MAGI3: variants seen among roughly 807,000 people sequenced by gnomAD.
MAGI3 encodes membrane-associated guanylate kinase, WW and PDZ domain-containing protein 3.
Under a neutral mutation model 121.8 loss-of-function variants are expected in MAGI3, and 43 were observed. The observed-to-expected ratio is 0.35, with a 90% CI of 0.28 to 0.46. The LOEUF is 0.46. MAGI3 is among the 20% of genes least tolerant of loss of function. The probability of loss-of-function intolerance (pLI) is 1.00; values close to 1 mark genes in which losing one functional copy is unlikely to be tolerated. For synonymous variants in MAGI3, 553 were observed against 639.3 expected (o/e 0.86, Z 2.04); for missense variants, 1,547 against 1,797.3 (o/e 0.86, Z 2.52).
At chr1:113,654,331 A>G (rs1398723430) in intron 15 of MAGI3, among the ~76,000 whole-genome samples, 4 of 152,238 alleles carry the variant, frequency 2.6e-5, no homozygotes, top group African/African-American at 9.6e-5. Flanking sequence ...GACTTTTAAG[A>G]AAATGGGGAC....
At chr1:113,487,380 T>C (rs557709826) in intron 1 of MAGI3, among the ~76,000 whole-genome samples, 1 of 152,326 alleles carries the variant, frequency 6.6e-6, no homozygotes, top group African/African-American at 2.4e-5. Context: ...TTTTCCTGTG[T>C]ATACAATAAT....
chr1:113,642,660 G>C (rs1367943091), intron 10 of MAGI3, 144 bp downstream of exon 10: 2 of 895,028 alleles, frequency 2.2e-6, no homozygotes, highest in Non-Finnish European at 3.3e-6. Flanking sequence ...CTGTCTGATT[G>C]TTTCCATAAG....
chr1:113,487,245 T>C (rs1049717867), intron 1 of MAGI3, among the ~76,000 whole-genome samples: 1 of 152,200 alleles, frequency 6.6e-6, no homozygotes, highest in South Asian at 2.1e-4. Flanking sequence ...TTGTAAGAAA[T>C]ATTTTAACAA....
intron 1 of MAGI3, among the ~76,000 whole-genome samples, chr1:113,485,556 G>A (rs1400160281): frequency 1.3e-5 from 2 of 152,014 alleles, no homozygotes; most frequent in African/African-American, 4.8e-5. Flanking sequence ...GTAGATTCTG[G>A]ATATTAGTCC....
chr1:113,416,402 TTAATTAA>T (rs1323290858), intron 1 of MAGI3, among the ~76,000 whole-genome samples: 1,933 of 86,768 alleles, frequency 0.022, 61 homozygotes, highest in East Asian at 0.2. Flanking sequence ...TAATTATTAA[TTAATTAA>T]TAATTAATAA....
chr1:113,439,436 T>TA (rs1159725049), intron 1 of MAGI3, among the ~76,000 whole-genome samples: 2 of 152,248 alleles, frequency 1.3e-5, no homozygotes, highest in East Asian at 3.8e-4. Flanking sequence ...CCCTTTCTTA[T>TA]CACCTGGCAA....
chr1:113,469,978 T>C (rs1172080738), intron 1 of MAGI3, among the ~76,000 whole-genome samples: 1 of 152,180 alleles, frequency 6.6e-6, no homozygotes, highest in African/African-American at 2.4e-5. Context: ...CCATATATGC[T>C]AAGTTTATCT....
intron 1 of MAGI3, among the ~76,000 whole-genome samples, chr1:113,465,611 A>G (rs1213034434): frequency 6.6e-6 from 1 of 152,184 alleles, no homozygotes; most frequent in Non-Finnish European, 1.5e-5. Flanking sequence ...CATAGTAACA[A>G]TATTAATTCT....
intron 1 of MAGI3, among the ~76,000 whole-genome samples, chr1:113,532,409 G>C (rs530656542): frequency 1.3e-5 from 2 of 151,610 alleles, no homozygotes; most frequent in African/African-American, 4.8e-5. Context: ...GTTTGTATTG[G>C]ACCTTTTCTA....
intron 3 of MAGI3, among the ~76,000 whole-genome samples, chr1:113,583,723 TCTTTG>T (rs1427346521): frequency 1.4e-5 from 2 of 144,114 alleles, no homozygotes; most frequent in African/African-American, 5.1e-5. Flanking sequence ...TTTCATTGGT[TCTTTG>T]CTTTACTTCT....
chr1:113,683,850 A>G lies in MAGI3; in HGVS notation c.4282A>G (p.Lys1428Glu). 6.2e-7 allele frequency: 1 copy of G among 1,612,656 alleles called. No homozygotes were observed. Among genetic ancestry groups the G allele is most frequent in the Non-Finnish European group, 8.5e-7 (1 of 1,179,350 alleles). Residue 1428 changes from lysine to glutamate, a missense_variant, in exon 21 of 21, where the codon AAA becomes GAA. Lys to Glu is a moderately conservative substitution (Grantham distance 56). Coordinates refer to ENST00000307546, the MANE Select transcript of MAGI3 (RefSeq NM_001142782.2). ...AGTTTCAAACAAAACAGAAGATCAC[A>G]AAGGGAAAGAACTAGAGGCAGCTGA... is the stretch of plus-strand genomic sequence containing the variant. Reference protein sequence around the residue: ...KVVSNKTEDHKGKELEAADKN... With the variant: ...KVVSNKTEDHEGKELEAADKN...
chr1:113,396,659 G>GA (rs1266168542), intron 1 of MAGI3, among the ~76,000 whole-genome samples: 10 of 152,208 alleles, frequency 6.6e-5, no homozygotes, highest in Admixed American at 3.9e-4. Flanking sequence ...ATTTAATACA[G>GA]AAAAAATAAG....
At chr1:113,547,667 C>G (rs1300653467) in intron 1 of MAGI3, among the ~76,000 whole-genome samples, 1 of 152,154 alleles carries the variant, frequency 6.6e-6, no homozygotes, top group Non-Finnish European at 1.5e-5. Flanking sequence ...AGTAATGAGA[C>G]TATACAGTAT....
rs370879715 is a variant in MAGI3 at position 113,455,414 on chromosome 1, C to T, written c.316+64065C>T. Among the ~76,000 whole-genome samples the T allele has an allele frequency of 7.2e-5, 11 of 151,984 alleles. No individual in the cohort carries two copies. The East Asian group carries it at 1.6e-3, about 21-fold the overall frequency. ...TGTCATTCTTCTGCTTGAAATTCCC[C>T]TAAATAGCTTCCCATTGTTCTCAAG... On this transcript the variant is annotated intron_variant, in intron 1 of 20. Coordinates refer to ENST00000307546, the MANE Select transcript of MAGI3 (RefSeq NM_001142782.2).
chr1:113,452,050 A>G (rs908775280), intron 1 of MAGI3, among the ~76,000 whole-genome samples: 1 of 152,176 alleles, frequency 6.6e-6, no homozygotes, highest in Non-Finnish European at 1.5e-5. Flanking sequence ...CTCTGGAGTG[A>G]TATTCTTTGC....
intron 7 of MAGI3, 117 bp from the exon 8 acceptor site, chr1:113,619,619 G>T: frequency 1.5e-6 from 1 of 684,626 alleles, no homozygotes. Flanking sequence ...ATGTTCCATA[G>T]CCTAAAGATA....
chr1:113,583,143 A>T (rs1648137008), intron 3 of MAGI3, among the ~76,000 whole-genome samples: 1 of 151,130 alleles, frequency 6.6e-6, no homozygotes, highest in East Asian at 1.9e-4. Context: ...TTATTTATTT[A>T]TTTATTTTTA....
intron 1 of MAGI3, among the ~76,000 whole-genome samples, chr1:113,476,571 G>T (rs533157222): frequency 6.6e-6 from 1 of 152,052 alleles, no homozygotes; most frequent in African/African-American, 2.4e-5. Flanking sequence ...ATTTGATTTC[G>T]CTGTGGTTTG....
intron 1 of MAGI3, among the ~76,000 whole-genome samples, chr1:113,470,298 A>C (rs1655481707): frequency 6.6e-6 from 1 of 152,050 alleles, no homozygotes; most frequent in Admixed American, 6.6e-5. Flanking sequence ...CCATTCCCTA[A>C]GGTGTTGCAT....
Sources: allele counts gnomAD v4.1 joint callset (sites outside exome capture counted in the v4.1 genomes callset), GRCh38; gene constraint gnomAD v4.1.1; transcripts MANE v1.5; gene names NCBI Gene and HGNC (gene_info 2026-07-23, HGNC 2026-07-21).